The following SCMH1 variants were observed in gnomAD, a reference collection of about 807,000 sequenced individuals.
SCMH1 encodes Scm polycomb group protein homolog 1.
Under a neutral mutation model 70.8 loss-of-function variants are expected in SCMH1, and 37 were observed. The observed-to-expected ratio is 0.52, with a 90% CI of 0.40 to 0.69. The LOEUF is 0.69. Ranked by LOEUF, SCMH1 falls within the 30% of genes least tolerant of loss-of-function variation. The probability of loss-of-function intolerance (pLI) is 0.00; values close to 1 mark genes in which losing one functional copy is unlikely to be tolerated. For missense variants in SCMH1, 607 were observed against 827.3 expected (o/e 0.73, Z 3.27); for synonymous variants, 292 against 307.4 (o/e 0.95, Z 0.52).
At chr1:41,169,831 A>G (rs901682333) in intron 2 of SCMH1, among the ~76,000 whole-genome samples, 1 of 152,192 alleles carries the variant, frequency 6.6e-6, no homozygotes, top group Non-Finnish European at 1.5e-5. Flanking sequence ...TTTTTCCTGC[A>G]GAGGTCTAGA....
At chr1:41,032,070 T>C (rs1571154148) in intron 13 of SCMH1, among the ~76,000 whole-genome samples, 1 of 152,316 alleles carries the variant, frequency 6.6e-6, no homozygotes, top group South Asian at 2.1e-4. Flanking sequence ...TGGCTGTCTA[T>C]GAACCAGGAA....
At position 41,150,936 on chromosome 1, in the gene SCMH1, C is replaced by CAAAAAAAAAAAAA. The variant is rs71062579; in HGVS notation, c.177+665_177+677dup. On this transcript the variant is annotated intron_variant, in intron 5 of 14. Transcript: ENST00000337495. ...TGGGCGACAGAGTGAGACACCATCT[C>CAAAAAAAAAAAAA]AAAAAAAAAAAAAAAAAAAAAGAAA... 2.6e-5 allele frequency among the ~76,000 whole-genome samples: 2 copies of CAAAAAAAAAAAAA among 76,520 alleles called. 1 individual carries two copies. 50.2% of individuals were successfully genotyped at this position (76,520 alleles called of 152,430 possible).
At chr1:41,090,533 CA>C (rs753904360) in intron 8 of SCMH1, among the ~76,000 whole-genome samples, 230 of 135,228 alleles carry the variant, frequency 1.7e-3, no homozygotes, top group Non-Finnish European at 1.6e-3. Context: ...GATTCTAAAC[CA>C]AAAAAAAAAA....
chr1:41,194,028 T>G (rs7535877), intron 1 of SCMH1, among the ~76,000 whole-genome samples: 2,382 of 152,320 alleles, frequency 0.016, 60 homozygotes, highest in African/African-American at 0.054. Flanking sequence ...GGTTAAGACT[T>G]AGAGGCAAAA....
intron 8 of SCMH1, among the ~76,000 whole-genome samples, chr1:41,106,338 T>C (rs1437083624): frequency 3.3e-5 from 5 of 151,486 alleles, no homozygotes; most frequent in East Asian, 1.9e-4. Flanking sequence ...GTTCTGGTTG[T>C]TGTAAAAGTG....
chr1:41,178,307 A>G (rs1039952974), intron 2 of SCMH1, among the ~76,000 whole-genome samples: 7 of 152,222 alleles, frequency 4.6e-5, no homozygotes, highest in Non-Finnish European at 1.5e-5. Context: ...AAGACCATCG[A>G]GGCTAGGAAG....
intron 6 of SCMH1, among the ~76,000 whole-genome samples, chr1:41,128,944 A>G (rs1673916807): frequency 6.6e-6 from 1 of 151,924 alleles, no homozygotes; most frequent in Non-Finnish European, 1.5e-5. Context: ...GGATCCATTC[A>G]GTTTATTCTT....
intron 12 of SCMH1, chr1:41,043,620 A>G (rs1198393819): frequency 2.7e-5 from 4 of 146,470 alleles, no homozygotes; most frequent in Non-Finnish European, 6.0e-5. Flanking sequence ...TTTTTAGTAG[A>G]GATGGGGTTT....
At chr1:41,094,291 T>C (rs1664479114) in intron 8 of SCMH1, among the ~76,000 whole-genome samples, 1 of 152,208 alleles carries the variant, frequency 6.6e-6, no homozygotes, top group Non-Finnish European at 1.5e-5. Context: ...ATATCATTAC[T>C]ATTACTATAG....
intron 1 of SCMH1, among the ~76,000 whole-genome samples, chr1:41,235,566 G>A (rs865881783): frequency 4.3e-5 from 4 of 93,046 alleles, no homozygotes; most frequent in Non-Finnish European, 7.6e-5. Context: ...ATGAGACTCC[G>A]TCTAAAAAAA....
intron 1 of SCMH1, among the ~76,000 whole-genome samples, chr1:41,233,937 T>C (rs946799790): frequency 1.3e-5 from 2 of 152,242 alleles, no homozygotes; most frequent in African/African-American, 4.8e-5. Context: ...CACAGGTTAC[T>C]TAACTTTGTG....
At chr1:41,034,798 A>G (rs1388348792) in intron 13 of SCMH1, among the ~76,000 whole-genome samples, 1 of 152,200 alleles carries the variant, frequency 6.6e-6, no homozygotes, top group African/African-American at 2.4e-5. Context: ...CATGTTCTTC[A>G]GAGGCCAAAC....
chr1:41,073,452 A>T (rs1240488780), intron 9 of SCMH1, among the ~76,000 whole-genome samples: 1 of 152,126 alleles, frequency 6.6e-6, no homozygotes. Context: ...CCTCTACAAC[A>T]TGAGAATGAG....
At chr1:41,152,691 T>G (rs1260729112) in intron 4 of SCMH1, 1 of 1,614,122 alleles carries the variant, frequency 6.2e-7, no homozygotes, top group Non-Finnish European at 8.5e-7. Flanking sequence ...AAGTTTCCTC[T>G]GTAGTGGAGC....
At chr1:41,158,751 A>T (rs962645478) in intron 4 of SCMH1, among the ~76,000 whole-genome samples, 7 of 152,148 alleles carry the variant, frequency 4.6e-5, no homozygotes. Flanking sequence ...ATAGGGCTGG[A>T]GGCAAAAAAG....
intron 6 of SCMH1, among the ~76,000 whole-genome samples, chr1:41,123,415 A>C (rs114822752): frequency 6.6e-6 from 1 of 152,204 alleles, no homozygotes; most frequent in Admixed American, 6.5e-5. Flanking sequence ...TTACACTGAG[A>C]TCGTGACTCA....
At chr1:41,051,874 A>AT (rs541268457) in intron 10 of SCMH1, among the ~76,000 whole-genome samples, 293 of 152,330 alleles carry the variant, frequency 1.9e-3, no homozygotes, top group African/African-American at 6.7e-3. Flanking sequence ...TACAGTGTTT[A>AT]TAAAGTCCAC....
At chr1:41,116,886 C>T in intron 7 of SCMH1, 36 bp downstream of exon 7, 1 of 1,529,534 alleles carries the variant, frequency 6.5e-7, no homozygotes, top group Non-Finnish European at 8.9e-7. Context: ...TGACCTTAAG[C>T]AGCCTGGAGC....
exon 15 of SCMH1, chr1:41,028,002 C>G (rs1031347851): frequency 3.7e-5 from 24 of 641,966 alleles, no homozygotes; most frequent in Non-Finnish European, 5.6e-5. Flanking sequence ...GACCCCCACT[C>G]TCCCTCCTCA....
Sources: gnomAD v4.1 joint callset for allele counts (sites outside exome capture counted in the v4.1 genomes callset) on GRCh38, gnomAD v4.1.1 for gene constraint, MANE v1.5 for transcripts, NCBI Gene and HGNC (gene_info 2026-07-23, HGNC 2026-07-21) for gene names.